CDH22: variants seen among roughly 807,000 people sequenced by gnomAD.
The protein encoded by CDH22 is cadherin-22.
CDH22 carries 30 observed loss-of-function variants against 58.4 expected under a neutral mutation model. That is an observed-to-expected ratio of 0.51 (90% CI 0.38 to 0.70). The LOEUF is 0.70. Ranked by LOEUF, CDH22 falls within the 30% of genes least tolerant of loss-of-function variation. The pLI, the probability that CDH22 is intolerant of heterozygous loss-of-function variation, is 0.00. For missense variants in CDH22, 1,014 were observed against 1,233.9 expected, an observed-to-expected ratio of 0.82 and a Z score of 2.67; for synonymous variants, 513 against 558.2, an observed-to-expected ratio of 0.92 and a Z score of 1.14.
At chr20:46,227,471 C>A in intron 4 of CDH22, 37 bp downstream of exon 4, 1 of 1,501,822 alleles carries the variant, frequency 6.7e-7, no homozygotes, top group South Asian at 1.2e-5. Flanking sequence ...CTGGCCCCGC[C>A]CCACGGCTCC....
intron 7 of CDH22, among the ~76,000 whole-genome samples, chr20:46,201,758 C>T (rs116520569): frequency 6.6e-6 from 1 of 152,306 alleles, no homozygotes; most frequent in African/African-American, 2.4e-5. Flanking sequence ...TGTTCCTAAA[C>T]TGCTAAACCC....
At chr20:46,209,657 CA>C (rs1217380381) in intron 7 of CDH22, among the ~76,000 whole-genome samples, 3 of 152,096 alleles carry the variant, frequency 2.0e-5, no homozygotes, top group Admixed American at 6.5e-5. Context: ...GAGAAGTGGT[CA>C]GATTCTGGAT....
chr20:46,210,162 G>T lies in CDH22; in HGVS notation c.1286+145C>A. On this transcript the variant is annotated intron_variant, in intron 7 of 11. Transcript: ENST00000537909. The surrounding 1 kb of genome is among the most constrained non-coding windows in gnomAD (Gnocchi z 4.5). ...CGTGCCTGTTTCTCTCCACCCGTGC[G>T]CCTCTCTCCGCGCCTCCCTCCCCCA... The T allele has an allele frequency of 1.3e-6, 1 of 777,512 alleles. No individual in the cohort carries two copies. Among genetic ancestry groups the T allele is most frequent in the Non-Finnish European group, 1.8e-6 (1 of 545,388 alleles). The allele number at this position is 777,512 out of a possible 1,614,324, so 48.2% of individuals were successfully genotyped here. A position where few individuals can be genotyped will look rare whatever the true frequency, so the allele number is the denominator to read the frequency against.
chr20:46,233,676 G>C (rs965101569), intron 3 of CDH22, among the ~76,000 whole-genome samples: 1 of 152,158 alleles, frequency 6.6e-6, no homozygotes, highest in Non-Finnish European at 1.5e-5. Flanking sequence ...TTTGTTGATG[G>C]AAAAGACAAA....
chr20:46,284,015 A>G (rs2086563185), intron 1 of CDH22, among the ~76,000 whole-genome samples: 1 of 152,182 alleles, frequency 6.6e-6, no homozygotes, highest in Non-Finnish European at 1.5e-5. Context: ...CTTCAGACTA[A>G]TCTTTCACAC....
chr20:46,245,798 C>T (rs1028757896), intron 2 of CDH22, among the ~76,000 whole-genome samples: 1 of 152,178 alleles, frequency 6.6e-6, no homozygotes, highest in East Asian at 1.9e-4. Context: ...CAGTTCTAGA[C>T]CTTTTACTGC....
chr20:46,189,740 G>T (rs1041015740), intron 8 of CDH22, among the ~76,000 whole-genome samples: 10 of 152,212 alleles, frequency 6.6e-5, no homozygotes, highest in African/African-American at 2.4e-4. Flanking sequence ...GGGCAGCTGA[G>T]TGACCCCTAA....
chr20:46,238,387 T>C (rs896410043), intron 3 of CDH22, among the ~76,000 whole-genome samples: 1 of 152,218 alleles, frequency 6.6e-6, no homozygotes, highest in Non-Finnish European at 1.5e-5. Context: ...CAAAATTGTA[T>C]GCTAAGTTCT....
At chr20:46,228,181 A>G (rs1415202569) in intron 3 of CDH22, among the ~76,000 whole-genome samples, 3 of 150,046 alleles carry the variant, frequency 2.0e-5, no homozygotes, top group African/African-American at 7.6e-5. Flanking sequence ...GGTAGGGGAC[A>G]GCCCAGAGGG....
At chr20:46,197,448 G>A (rs1178053243) in intron 8 of CDH22, among the ~76,000 whole-genome samples, 5 of 152,190 alleles carry the variant, frequency 3.3e-5, no homozygotes, top group Non-Finnish European at 5.9e-5. Context: ...CCACTGGGTA[G>A]AAGCACAATG....
intron 1 of CDH22, among the ~76,000 whole-genome samples, chr20:46,265,408 C>A (rs564733130): frequency 6.6e-6 from 1 of 152,240 alleles, no homozygotes; most frequent in Non-Finnish European, 1.5e-5. Flanking sequence ...CATAGTTTAA[C>A]GAAAAGTCAT....
Position 46,210,486 on chromosome 20 carries a change from G to A in CDH22, c.1107C>T (p.Phe369=), listed in dbSNP as rs1271432966. Residue 369 remains phenylalanine (F), a synonymous_variant, in exon 7 of 12, where the codon TTC becomes TTT. Transcript: ENST00000537909. This position sits in a 1 kb window ranked among gnomAD's most constrained non-coding sequence, Gnocchi z 4.5. Reference sequence around the variant, plus strand: ...GGTCGCGGAACGTGCCCAGGTCGGCGAAGCGGGGGTCCACGAACTTGTTGA... The same window carrying A: ...GGTCGCGGAACGTGCCCAGGTCGGCAAAGCGGGGGTCCACGAACTTGTTGA... ...EALNKFVDPR[F]ADLGTFRDQA... is the part of the protein sequence containing the mutation. 6.3e-6 allele frequency: 9 copies of A among 1,432,732 alleles called. No individual in the cohort carries two copies. Among genetic ancestry groups the A allele is most frequent in the Admixed American group, 2.9e-5 (1 of 34,098 alleles). 88.8% of individuals were successfully genotyped at this position (1,432,732 alleles called of 1,614,324 possible). A position where few individuals can be genotyped will look rare whatever the true frequency, so the allele number is the denominator to read the frequency against.
chr20:46,292,958 G>A (rs998208971), intron 1 of CDH22, among the ~76,000 whole-genome samples: 5 of 150,964 alleles, frequency 3.3e-5, no homozygotes, highest in East Asian at 1.9e-4. Context: ...GTGTATGTGT[G>A]TCTTCCCCAC....
intron 10 of CDH22, among the ~76,000 whole-genome samples, chr20:46,185,646 T>C (rs998407873): frequency 6.6e-6 from 1 of 151,666 alleles, no homozygotes. Context: ...GGTAGGAGGA[T>C]TGTTTGAGCC....
chr20:46,188,830 T>C (rs2145657255), intron 8 of CDH22, among the ~76,000 whole-genome samples: 1 of 152,254 alleles, frequency 6.6e-6, no homozygotes, highest in East Asian at 1.9e-4. Flanking sequence ...ATGTTCCACC[T>C]GCCAGTGACC....
At chr20:46,177,802 T>C (rs2085751637) in intron 11 of CDH22, 144 bp downstream of exon 11, 9 of 1,053,198 alleles carry the variant, frequency 8.5e-6, no homozygotes, top group Middle Eastern at 3.1e-4. Context: ...TGGGGGCTGC[T>C]TGTTAGAGCT....
intron 3 of CDH22, among the ~76,000 whole-genome samples, chr20:46,240,571 G>T (rs949995364): frequency 6.6e-6 from 1 of 152,166 alleles, no homozygotes; most frequent in Non-Finnish European, 1.5e-5. Context: ...GTAGGGGACT[G>T]GATCTATGAA....
In CDH22 at chr20:46,181,795, T is replaced by TTTCTTTCTTTC. The variant is rs1491111907; in HGVS notation, c.1664-3599_1664-3598insGAAAGAAAGAA. ...TCTTTCTTTCTTTCTTTCTTTCTTT[T>TTTCTTTCTTTC]CTCTCTCTTTCTCTTTCCTTTCTTT... On this transcript the variant is annotated intron_variant, in intron 10 of 11. Coordinates refer to ENST00000537909, the MANE Select transcript of CDH22 (RefSeq NM_021248.3). Among the ~76,000 whole-genome samples, 206 of 45,538 alleles carry TTTCTTTCTTTC rather than the reference T, an allele frequency of 4.5e-3. 7 individuals are homozygous for TTTCTTTCTTTC. The highest frequency in any genetic ancestry group is 8.8e-3 in the Middle Eastern group (1 of 114). 29.9% of individuals were successfully genotyped at this position (45,538 alleles called of 152,430 possible).
At chr20:46,211,413 A>C (rs911831731) in intron 6 of CDH22, among the ~76,000 whole-genome samples, 1 of 152,106 alleles carries the variant, frequency 6.6e-6, no homozygotes, top group Non-Finnish European at 1.5e-5. Context: ...AGCAGCAAAA[A>C]CAGCCGTGTC....
Sources: allele counts gnomAD v4.1 joint callset (sites outside exome capture counted in the v4.1 genomes callset), GRCh38; gene constraint gnomAD v4.1.1; non-coding constraint Gnocchi (gnomAD v3.1); transcripts MANE v1.5; gene names NCBI Gene and HGNC (gene_info 2026-07-23, HGNC 2026-07-21).